ELP3: variants seen among roughly 807,000 people sequenced by gnomAD.
The protein encoded by ELP3 is elongator complex protein 3.
ELP3 carries 56 observed loss-of-function variants against 74.9 expected under a neutral mutation model. That is an observed-to-expected ratio of 0.75 (90% confidence interval 0.60 to 0.93). ELP3 has a LOEUF of 0.93. Ranked by LOEUF, ELP3 falls within the 40% of genes least tolerant of loss-of-function variation. The pLI is 0.00. For missense variants in ELP3, 573 were observed against 686.5 expected (o/e 0.83, Z 1.85); for synonymous variants, 222 against 239.8 (o/e 0.93, Z 0.68).
intron 7 of ELP3, among the ~76,000 whole-genome samples, chr8:28,119,296 C>T (rs1812260589): frequency 1.3e-5 from 2 of 151,958 alleles, no homozygotes; most frequent in Admixed American, 6.6e-5. Flanking sequence ...TTATTTGAAA[C>T]AAAAATTAAA....
chr8:28,093,048 CG>C (rs1408978490), upstream of ELP3: 7 of 1,130,210 alleles, frequency 6.2e-6, no homozygotes, highest in African/African-American at 9.2e-5. Context: ...AGTTGCAACA[CG>C]GGGCGGGGCG....
At chr8:28,128,250 G>C (rs1266911941) in intron 7 of ELP3, among the ~76,000 whole-genome samples, 1 of 152,106 alleles carries the variant, frequency 6.6e-6, no homozygotes, top group Non-Finnish European at 1.5e-5. Flanking sequence ...GAAGCAGGTG[G>C]ATCATTTGAG....
At chr8:28,146,417 G>A (rs143944155) in intron 10 of ELP3, among the ~76,000 whole-genome samples, 6 of 152,296 alleles carry the variant, frequency 3.9e-5, no homozygotes, top group Non-Finnish European at 8.8e-5. Context: ...TCACTTGAAA[G>A]GTTTCTGATG....
At chr8:28,172,989 GT>G (rs970038334) in intron 14 of ELP3, among the ~76,000 whole-genome samples, 1 of 151,948 alleles carries the variant, frequency 6.6e-6, no homozygotes, top group Non-Finnish European at 1.5e-5. Flanking sequence ...ATCCCACTTG[GT>G]TGTGGTATAT....
chr8:28,127,401 T>C (rs933322747), intron 7 of ELP3, among the ~76,000 whole-genome samples: 3 of 152,216 alleles, frequency 2.0e-5, no homozygotes, highest in African/African-American at 4.8e-5. Context: ...TTTTTAAAAA[T>C]ACCAGTTGGA....
intron 14 of ELP3, among the ~76,000 whole-genome samples, chr8:28,185,731 G>A (rs996862333): frequency 6.6e-6 from 1 of 152,170 alleles, no homozygotes; most frequent in African/African-American, 2.4e-5. Context: ...CTGAGCCCGC[G>A]TGGTGATGCT....
chr8:28,097,413 A>T, intron 2 of ELP3, 95 bp downstream of exon 2: 1 of 763,008 alleles, frequency 1.3e-6, no homozygotes. Flanking sequence ...CTCAAGTTTT[A>T]TTTTAGTTGA....
chr8:28,106,932 T>TTGAATTCAACA (rs1811720607), intron 4 of ELP3, 149 bp downstream of exon 4: 1 of 616,066 alleles, frequency 1.6e-6, no homozygotes, highest in Admixed American at 3.0e-5. Context: ...CAACCATTGG[T>TTGAATTCAACA]AGATATTTTA....
intron 3 of ELP3, among the ~76,000 whole-genome samples, chr8:28,104,864 C>G (rs547373339): frequency 5.9e-5 from 9 of 152,322 alleles, no homozygotes; most frequent in African/African-American, 1.9e-4. Context: ...TACTGAGAAA[C>G]TAGGTGGATA....
chr8:28,135,053 T>C (rs929254116), intron 9 of ELP3, among the ~76,000 whole-genome samples: 1 of 152,066 alleles, frequency 6.6e-6, no homozygotes, highest in Non-Finnish European at 1.5e-5. Flanking sequence ...CTCAGCCTTC[T>C]GAGTAGCTGG....
At position 28,115,545 on chromosome 8, in the gene ELP3, G is replaced by C. The variant is rs181982633; in HGVS notation, c.617+2372G>C. Among the ~76,000 whole-genome samples, 1,347 of 152,300 alleles carry C rather than the reference G, an allele frequency of 8.8e-3. 12 individuals carry two copies. Among genetic ancestry groups the C allele is most frequent in the Middle Eastern group, 0.02 (6 of 294 alleles). On this transcript the variant is annotated intron_variant, in intron 7 of 14. Coordinates refer to ENST00000256398, the MANE Select transcript of ELP3 (RefSeq NM_018091.6). The stretch of plus-strand genomic sequence containing the variant: ...CATTTGCTCTGTATACAGTGGGCCA[G>C]GTGTTGTCATGGGTGTTTAATATTC...
chr8:28,096,192 T>C (rs1811245942), intron 1 of ELP3, among the ~76,000 whole-genome samples: 1 of 152,216 alleles, frequency 6.6e-6, no homozygotes, highest in African/African-American at 2.4e-5. Context: ...GAGTGTCTAG[T>C]TGCAGGAAAA....
At chr8:28,096,337 A>T (rs1353446950) in intron 1 of ELP3, among the ~76,000 whole-genome samples, 1 of 152,222 alleles carries the variant, frequency 6.6e-6, no homozygotes, top group Non-Finnish European at 1.5e-5. Flanking sequence ...ATCATCCTAA[A>T]ACCACCCTGC....
At chr8:28,120,155 C>T (rs1306853757) in intron 7 of ELP3, among the ~76,000 whole-genome samples, 3 of 152,060 alleles carry the variant, frequency 2.0e-5, no homozygotes, top group African/African-American at 2.4e-5. Context: ...TACAAGAAAC[C>T]GCCAGTCATT....
chr8:28,115,915 T>G (rs536400031), intron 7 of ELP3, among the ~76,000 whole-genome samples: 6 of 152,360 alleles, frequency 3.9e-5, no homozygotes, highest in African/African-American at 1.4e-4. Flanking sequence ...GGTGAGGGTT[T>G]CATATAGCTA....
At chr8:28,168,766 GTTCTT>G (rs1814407441) in intron 14 of ELP3, among the ~76,000 whole-genome samples, 1 of 152,140 alleles carries the variant, frequency 6.6e-6, no homozygotes, top group Admixed American at 6.5e-5. Context: ...GAATAGTACT[GTTCTT>G]TTCTCTAAAT....
intron 10 of ELP3, among the ~76,000 whole-genome samples, chr8:28,139,799 G>T (rs1813154227): frequency 6.6e-6 from 1 of 152,132 alleles, no homozygotes; most frequent in Non-Finnish European, 1.5e-5. Context: ...ACAAAAAATG[G>T]CCAGACGTGG....
chr8:28,173,072 G>A (rs1277405506), intron 14 of ELP3, among the ~76,000 whole-genome samples: 1 of 151,984 alleles, frequency 6.6e-6, no homozygotes, highest in Non-Finnish European at 1.5e-5. Context: ...GTATTCTTAA[G>A]GGGATGATGG....
chr8:28,092,413 G>A (rs547623067), upstream of ELP3, among the ~76,000 whole-genome samples: 2 of 152,250 alleles, frequency 1.3e-5, no homozygotes, highest in Admixed American at 1.3e-4. Flanking sequence ...ATTTTTAGTA[G>A]AGACAGGGTT....
Sources: gnomAD v4.1 joint callset for allele counts (sites outside exome capture counted in the v4.1 genomes callset) on GRCh38, gnomAD v4.1.1 for gene constraint, MANE v1.5 for transcripts, NCBI Gene and HGNC (gene_info 2026-07-23, HGNC 2026-07-21) for gene names.